MLLT10: variants seen among roughly 807,000 people sequenced by gnomAD.
The protein encoded by MLLT10 is protein AF-10.
Under a neutral mutation model 129.1 loss-of-function variants are expected in MLLT10, and 30 were observed. The observed-to-expected ratio is 0.23, with a 90% CI of 0.17 to 0.32. The LOEUF (loss-of-function observed/expected upper bound fraction) is 0.32. MLLT10 is among the 10% of genes least tolerant of loss of function. MLLT10 has a pLI of 1.00. For synonymous variants in MLLT10, 490 were observed against 446.4 expected (o/e 1.10, Z -1.23); for missense variants, 1,119 against 1,268.3 (o/e 0.88, Z 1.79).
Position 21,695,582 on chromosome 10 carries a change from T to C in MLLT10, c.1699+13325T>C, listed in dbSNP as rs370051577. On this transcript the variant is annotated intron_variant, in intron 13 of 22. Transcript: ENST00000307729. ...TTAATCATTTAAAATATTTATCTTA[T>C]AATATTTATTTGCCATTTCTATTTT... Among the ~76,000 whole-genome samples, 4 of 152,346 alleles carry C rather than the reference T, an allele frequency of 2.6e-5. No individual in the cohort carries two copies. In the East Asian group the frequency reaches 7.7e-4, roughly 29 times the overall value.
intron 3 of MLLT10, among the ~76,000 whole-genome samples, chr10:21,584,894 A>G (rs1358114780): frequency 2.6e-5 from 4 of 151,352 alleles, no homozygotes. Context: ...GTTTATATAT[A>G]TGTATATGTA....
intron 4 of MLLT10, among the ~76,000 whole-genome samples, chr10:21,589,604 A>G (rs1457759764): frequency 6.6e-6 from 1 of 152,038 alleles, no homozygotes; most frequent in Admixed American, 6.6e-5. Context: ...CTCTTTCTGA[A>G]TCCTCTGAAA....
chr10:21,636,901 A>G (rs1368927974), intron 8 of MLLT10, among the ~76,000 whole-genome samples: 1 of 152,250 alleles, frequency 6.6e-6, no homozygotes, highest in Non-Finnish European at 1.5e-5. Context: ...AATTAGGAAT[A>G]GGGAACAGAA....
At chr10:21,734,950 G>A (rs2058243706) in intron 20 of MLLT10, among the ~76,000 whole-genome samples, 189 bp from the exon 21 acceptor site, 1 of 152,066 alleles carries the variant, frequency 6.6e-6, no homozygotes, top group African/African-American at 2.4e-5. Context: ...TTCTTGTTTA[G>A]CTGTACACAT....
At chr10:21,706,820 ATTC>A (rs949759812) in intron 13 of MLLT10, among the ~76,000 whole-genome samples, 6 of 152,228 alleles carry the variant, frequency 3.9e-5, no homozygotes, top group South Asian at 4.1e-4. Flanking sequence ...CTCATACTGT[ATTC>A]TTCTCCTGAG....
At chr10:21,602,514 A>G (rs533421239) in intron 5 of MLLT10, among the ~76,000 whole-genome samples, 1 of 152,308 alleles carries the variant, frequency 6.6e-6, no homozygotes, top group African/African-American at 2.4e-5. Context: ...AAAGGAATGC[A>G]TGTTAGTTGC....
chr10:21,603,466 T>C (rs1216651117), intron 5 of MLLT10, among the ~76,000 whole-genome samples: 1 of 152,206 alleles, frequency 6.6e-6, no homozygotes. Context: ...CTTTTAAAGC[T>C]TTAATACTTA....
intron 9 of MLLT10, among the ~76,000 whole-genome samples, chr10:21,662,947 A>G (rs2050367490): frequency 6.6e-6 from 1 of 152,122 alleles, no homozygotes; most frequent in Non-Finnish European, 1.5e-5. Context: ...GGACAGGATG[A>G]TGGTTAGAGT....
chr10:21,695,942 G>A (rs1027834811), intron 13 of MLLT10, among the ~76,000 whole-genome samples: 1 of 144,208 alleles, frequency 6.9e-6, no homozygotes, highest in Non-Finnish European at 1.5e-5. Flanking sequence ...GGTGATTTTT[G>A]TGTGTGGGTT....
intron 9 of MLLT10, chr10:21,661,619 C>CT (rs929681057): frequency 6.6e-6 from 1 of 152,016 alleles, no homozygotes; most frequent in Non-Finnish European, 1.5e-5. Flanking sequence ...TCTCCATTTC[C>CT]TTTTTATTTA....
chr10:21,557,766 G>C (rs2038227908), intron 3 of MLLT10: 1 of 152,062 alleles, frequency 6.6e-6, no homozygotes, highest in African/African-American at 2.4e-5. Flanking sequence ...TCTGTGGCTG[G>C]AGTGGGGAGG....
At chr10:21,646,020 C>T (rs2048437844) in intron 8 of MLLT10, among the ~76,000 whole-genome samples, 1 of 152,128 alleles carries the variant, frequency 6.6e-6, no homozygotes, top group Non-Finnish European at 1.5e-5. Context: ...GCCTGGCCAA[C>T]ATGATGAAAT....
intron 2 of MLLT10, among the ~76,000 whole-genome samples, chr10:21,535,306 C>T (rs546206922): frequency 4.6e-5 from 7 of 152,194 alleles, no homozygotes; most frequent in African/African-American, 1.7e-4. Context: ...TGTGGGGAGG[C>T]TGGGGGTCGC....
intron 8 of MLLT10, chr10:21,624,527 T>G: frequency 9.7e-7 from 1 of 1,027,524 alleles, no homozygotes; most frequent in Admixed American, 2.7e-5. Flanking sequence ...AAATTTTTTT[T>G]GAAGAATGTA....
At chr10:21,666,723 T>G (rs2050844004) in intron 9 of MLLT10, among the ~76,000 whole-genome samples, 1 of 152,202 alleles carries the variant, frequency 6.6e-6, no homozygotes, top group African/African-American at 2.4e-5. Context: ...TTACCATTTT[T>G]ACTGTATTTG....
chr10:21,585,927 A>G (rs1589092291), intron 3 of MLLT10, among the ~76,000 whole-genome samples: 2 of 152,058 alleles, frequency 1.3e-5, no homozygotes, highest in East Asian at 1.9e-4. Flanking sequence ...AAGCCTGGCT[A>G]ATTTTTTATT....
At chr10:21,650,279 A>G (rs1487200218) in intron 8 of MLLT10, among the ~76,000 whole-genome samples, 1 of 152,082 alleles carries the variant, frequency 6.6e-6, no homozygotes. Context: ...GGAGCCTAGG[A>G]GGTTGAGGCT....
At position 21,734,107 on chromosome 10, in the gene MLLT10, A is replaced by T. The variant is rs776793609; in HGVS notation, c.2836A>T (p.Met946Leu). 6.2e-7 allele frequency: 1 copy of T among 1,611,130 alleles called. No individual in the cohort carries two copies. Among genetic ancestry groups the T allele is most frequent in the Non-Finnish European group, 8.5e-7 (1 of 1,178,090 alleles). The change falls in exon 20 of 23, where the codon ATG (methionine) becomes TTG (leucine). Residue 946 changes from methionine to leucine, a missense_variant. Coordinates refer to ENST00000307729, the MANE Select transcript of MLLT10 (RefSeq NM_001195626.3). ...TTVPPNATHP[M>L]PATLTNSASG... ...CGTACCACCTAATGCAACACATCCA[A>T]TGCCAGCTACACTGACTAACAGGTA...
At chr10:21,696,210 T>C (rs1034747616) in intron 13 of MLLT10, among the ~76,000 whole-genome samples, 15 of 152,028 alleles carry the variant, frequency 9.9e-5, no homozygotes, top group Non-Finnish European at 1.2e-4. Context: ...TTGATTATTA[T>C]TATTTTTTTT....
Sources: allele counts gnomAD v4.1 joint callset (sites outside exome capture counted in the v4.1 genomes callset), GRCh38; gene constraint gnomAD v4.1.1; transcripts MANE v1.5; gene names NCBI Gene and HGNC (gene_info 2026-07-23, HGNC 2026-07-21).